TIAM1: variants seen among roughly 807,000 people sequenced by gnomAD.
TIAM1 encodes TIAM Rac1 associated GEF 1, also known as rho guanine nucleotide exchange factor TIAM1.
TIAM1 carries 65 observed loss-of-function variants against 163.5 expected under a neutral mutation model. That is an observed-to-expected ratio of 0.40 (90% CI 0.33 to 0.49). The LOEUF (loss-of-function observed/expected upper bound fraction) is 0.49. Among genes scored for constraint, TIAM1 ranks in the 20% least tolerant of loss-of-function variants. The pLI is 0.77. For missense variants in TIAM1, 1,789 were observed against 2,044.7 expected, an observed-to-expected ratio of 0.87 and a Z score of 2.41; for synonymous variants, 833 against 810.1, an observed-to-expected ratio of 1.03 and a Z score of -0.48.
intron 13 of TIAM1, among the ~76,000 whole-genome samples, chr21:31,193,310 A>C (rs2085659039): frequency 6.6e-6 from 1 of 152,190 alleles, no homozygotes; most frequent in African/African-American, 2.4e-5. Flanking sequence ...CAGTGCCTAA[A>C]CTGTGGTACA....
At chr21:31,503,266 G>A (rs548886765) in intron 1 of TIAM1, among the ~76,000 whole-genome samples, 4 of 151,546 alleles carry the variant, frequency 2.6e-5, no homozygotes, top group South Asian at 2.1e-4. Context: ...GTGGTGGTGC[G>A]TGCCCGTAAT....
intron 13 of TIAM1, among the ~76,000 whole-genome samples, chr21:31,189,082 T>A (rs1430433810): frequency 9.2e-6 from 1 of 108,852 alleles, no homozygotes; most frequent in Non-Finnish European, 1.8e-5. Context: ...TGAGATGGAG[T>A]CTCATTCTGT....
At chr21:31,495,114 GATAC>G (rs996546463) in intron 1 of TIAM1, among the ~76,000 whole-genome samples, 9 of 152,162 alleles carry the variant, frequency 5.9e-5, no homozygotes, top group African/African-American at 2.2e-4. Context: ...AAAGTGTGTG[GATAC>G]ATATTTAGAT....
chr21:31,145,386 C>CT (rs1481560622), intron 20 of TIAM1, among the ~76,000 whole-genome samples: 1 of 152,180 alleles, frequency 6.6e-6, no homozygotes, highest in Non-Finnish European at 1.5e-5. Flanking sequence ...ATCCGGGGAC[C>CT]TGATCAGCAG....
At chr21:31,408,174 T>C (rs16988228) in intron 2 of TIAM1, among the ~76,000 whole-genome samples, 2,083 of 152,354 alleles carry the variant, frequency 0.014, 45 homozygotes, top group African/African-American at 0.048. Context: ...TTGAAGCACC[T>C]GGTTATACTG....
In TIAM1 at chr21:31,441,766, T is replaced by C. The variant is rs371959200; in HGVS notation, c.-369+22217A>G. On this transcript the variant is annotated intron_variant, in intron 2 of 28. Coordinates refer to the TIAM1 transcript ENST00000286827. ...GTAATGAAGACTTAATTCAAAACTA[T>C]TGCTGAGCATGGTGGCTCATGCCTG... Among the ~76,000 whole-genome samples, 124 of 151,804 alleles carry C rather than the reference T, an allele frequency of 8.2e-4. 1 individual carries two copies. In the South Asian group the frequency reaches 0.025, roughly 31 times the overall value.
intron 2 of TIAM1, among the ~76,000 whole-genome samples, chr21:31,323,871 G>A (rs1458056726): frequency 6.6e-6 from 1 of 151,926 alleles, no homozygotes; most frequent in Non-Finnish European, 1.5e-5. Flanking sequence ...AGCTGGGTGT[G>A]GTGGTGTGTG....
intron 1 of TIAM1, among the ~76,000 whole-genome samples, chr21:31,494,404 A>G (rs2046574213): frequency 6.6e-6 from 1 of 152,200 alleles, no homozygotes; most frequent in Non-Finnish European, 1.5e-5. Flanking sequence ...CTTTCTCCCA[A>G]AGCAAACATG....
chr21:31,173,486 C>CAACAAAGCTAAAA (rs1601410797), intron 15 of TIAM1, among the ~76,000 whole-genome samples: 1 of 150,474 alleles, frequency 6.6e-6, no homozygotes, highest in Non-Finnish European at 1.5e-5. Flanking sequence ...CTCACCCCTC[C>CAACAAAGCTAAAA]AACAAAGCTA....
At chr21:31,533,751 AT>A in intron 1 of TIAM1, among the ~76,000 whole-genome samples, 1 of 152,246 alleles carries the variant, frequency 6.6e-6, no homozygotes, top group East Asian at 1.9e-4. Flanking sequence ...AAAATAAAAA[AT>A]TATTACTGAG....
chr21:31,242,457 G>A (rs1372813779), intron 6 of TIAM1, among the ~76,000 whole-genome samples: 1 of 152,148 alleles, frequency 6.6e-6, no homozygotes, highest in Non-Finnish European at 1.5e-5. Flanking sequence ...AGGAGGCTGA[G>A]GCTGCAGTGA....
intron 2 of TIAM1, among the ~76,000 whole-genome samples, chr21:31,420,739 G>T (rs923395650): frequency 6.6e-6 from 1 of 152,062 alleles, no homozygotes; most frequent in Non-Finnish European, 1.5e-5. Context: ...CAAAATAGTG[G>T]GTCAAATAGG....
chr21:31,149,444 G>C (rs1321056418), intron 19 of TIAM1, among the ~76,000 whole-genome samples: 1 of 152,094 alleles, frequency 6.6e-6, no homozygotes, highest in East Asian at 1.9e-4. Flanking sequence ...TTTCAGATTT[G>C]AGATGCTCCA....
At chr21:31,263,525 T>A (rs1601749806) in intron 4 of TIAM1, among the ~76,000 whole-genome samples, 1 of 152,064 alleles carries the variant, frequency 6.6e-6, no homozygotes, top group Admixed American at 6.6e-5. Context: ...ACATGAGAGC[T>A]TTCAGTGGTA....
chr21:31,489,450 G>A (rs1244247338), intron 1 of TIAM1, among the ~76,000 whole-genome samples: 1 of 134,326 alleles, frequency 7.4e-6, no homozygotes, highest in Non-Finnish European at 1.6e-5. Context: ...AGGAGGAGAA[G>A]AAAGAAAGAG....
intron 2 of TIAM1, among the ~76,000 whole-genome samples, chr21:31,356,170 A>G (rs1254954880): frequency 6.6e-6 from 1 of 152,254 alleles, no homozygotes; most frequent in Non-Finnish European, 1.5e-5. Context: ...AATCCTTAAC[A>G]GCAAAGAAAG....
intron 13 of TIAM1, 111 bp downstream of exon 13, chr21:31,195,113 T>C: frequency 1.3e-6 from 1 of 762,702 alleles, no homozygotes; most frequent in Non-Finnish European, 2.2e-6. Flanking sequence ...GAGCCAGATA[T>C]ACTATCTGTT....
At chr21:31,293,990 C>T (rs1218014317) in intron 2 of TIAM1, among the ~76,000 whole-genome samples, 1 of 152,168 alleles carries the variant, frequency 6.6e-6, no homozygotes, top group Non-Finnish European at 1.5e-5. Context: ...GTCCTGGGTA[C>T]ATAAGCTACC....
At chr21:31,130,129 G>T in intron 25 of TIAM1, 84 bp downstream of exon 25, 104 of 1,001,748 alleles carry the variant, frequency 1.0e-4, no homozygotes, top group Non-Finnish European at 1.4e-4. Flanking sequence ...AGAAGAGTTA[G>T]ACCAAGAGTG....
Sources: gnomAD v4.1 joint callset for allele counts (sites outside exome capture counted in the v4.1 genomes callset) on GRCh38, gnomAD v4.1.1 for gene constraint, MANE v1.5 for transcripts, NCBI Gene and HGNC (gene_info 2026-07-23, HGNC 2026-07-21) for gene names.